PTPRD: variants seen among roughly 807,000 people sequenced by gnomAD.
The protein encoded by PTPRD is receptor-type tyrosine-protein phosphatase delta.
In PTPRD, 34 loss-of-function variants were observed where a neutral mutation model predicts 214.5. The ratio of observed to expected loss-of-function variants is 0.16; its 90% CI spans 0.12 to 0.21. The LOEUF (loss-of-function observed/expected upper bound fraction) is 0.21. Among genes scored for constraint, PTPRD ranks in the 10% least tolerant of loss-of-function variants. The pLI, the probability that PTPRD is intolerant of heterozygous loss-of-function variation, is 1.00. For synonymous variants in PTPRD, 1,128 were observed against 845.7 expected (o/e 1.33, Z -5.79); for missense variants, 2,545 against 2,398.7 (o/e 1.06, Z -1.27).
rs542173927 is a variant in PTPRD at position 8,793,980 on chromosome 9, C to A, written c.-103-60034G>T. Among the ~76,000 whole-genome samples, 8 of 152,282 alleles carry A rather than the reference C, an allele frequency of 5.3e-5. No individual in the cohort carries two copies. In the East Asian group the frequency reaches 1.5e-3, roughly 29 times the overall value. The stretch of plus-strand genomic sequence containing the variant: ...GCTGAAGAAGTTCTTCGATTCCCTG[C>A]AGCACAGCTGTGATATTGATATAGA... On this transcript the variant is annotated intron_variant, in intron 11 of 45. Coordinates refer to ENST00000381196, the MANE Select transcript of PTPRD (RefSeq NM_002839.4).
rs1820912559 is a variant in PTPRD at position 8,314,729 on chromosome 9, T to A, written c.*3145A>T. 4.3e-6 allele frequency: 1 copy of A among 231,872 alleles called. No homozygotes were observed. Among genetic ancestry groups the A allele is most frequent in the Admixed American group, 5.7e-5 (1 of 17,698 alleles). 14.4% of individuals were successfully genotyped at this position (231,872 alleles called of 1,614,324 possible). On this transcript the variant is annotated 3_prime_UTR_variant, in exon 46 of 46. Transcript: ENST00000381196. ...AAAAAATACGTGCATTACTGCAGAC[T>A]TTTTTCCCTTCCTGTTTCTATGTTG...
chr9:8,327,147 C>A (rs892008617), intron 44 of PTPRD, among the ~76,000 whole-genome samples: 6 of 150,890 alleles, frequency 4.0e-5, no homozygotes, highest in African/African-American at 7.3e-5. Flanking sequence ...ATCTTTCCTG[C>A]TTTCTCTTGT....
At chr9:8,371,207 A>G (rs2081399605) in intron 39 of PTPRD, among the ~76,000 whole-genome samples, 2 of 152,074 alleles carry the variant, frequency 1.3e-5, no homozygotes, top group Non-Finnish European at 2.9e-5. Context: ...TCTCATAAAG[A>G]AATACCCCAA....
At chr9:9,850,199 C>A (rs2060276397) in intron 5 of PTPRD, among the ~76,000 whole-genome samples, 1 of 152,104 alleles carries the variant, frequency 6.6e-6, no homozygotes, top group Non-Finnish European at 1.5e-5. Flanking sequence ...TTTAGCCTTT[C>A]TTTTTGAATA....
intron 4 of PTPRD, among the ~76,000 whole-genome samples, chr9:9,968,154 T>C (rs918920406): frequency 2.0e-5 from 3 of 152,182 alleles, no homozygotes; most frequent in African/African-American, 7.2e-5. Context: ...GAACCTATTA[T>C]TCTTCAATGA....
intron 4 of PTPRD, among the ~76,000 whole-genome samples, chr9:9,990,812 T>G (rs10816272): frequency 4.6e-5 from 7 of 152,038 alleles, no homozygotes. Flanking sequence ...TTAGAGAGGA[T>G]GTGCTCACCA....
chr9:9,941,332 G>A (rs552861750), intron 4 of PTPRD, among the ~76,000 whole-genome samples: 4 of 152,208 alleles, frequency 2.6e-5, no homozygotes, highest in South Asian at 2.1e-4. Context: ...AGAAATATGT[G>A]TATCTTATTT....
chr9:10,114,901 T>A lies in PTPRD; in HGVS notation c.-544-81111A>T, dbSNP rs966214084. On this transcript the variant is annotated intron_variant, in intron 3 of 45. Transcript: ENST00000381196. ...TAGCAATATGGAAAGATACAGGATT[T>A]TATTGTAAAATTTTCTAAGGAATTA... Among the ~76,000 whole-genome samples the A allele has an allele frequency of 2.6e-5, 4 of 151,942 alleles. No individual in the cohort carries two copies. In the East Asian group the frequency reaches 7.8e-4, roughly 30 times the overall value.
At position 8,921,974 on chromosome 9, in the gene PTPRD, A is replaced by G. The variant is rs1304956775; in HGVS notation, c.-104+96723T>C. On this transcript the variant is annotated intron_variant, in intron 11 of 45. Transcript: ENST00000381196. Reference sequence around the variant, plus strand: ...AAAAACAATAAAAGGGAAAGTTGGCAAGGAACAAAGACAGATAGAATCCCA... The same window carrying G: ...AAAAACAATAAAAGGGAAAGTTGGCGAGGAACAAAGACAGATAGAATCCCA... 2.6e-5 allele frequency among the ~76,000 whole-genome samples: 4 copies of G among 152,204 alleles called. No individual in the cohort carries two copies. The East Asian group carries it at 7.7e-4, about 29-fold the overall frequency.
chr9:10,351,392 A>G (rs190759185), intron 2 of PTPRD, among the ~76,000 whole-genome samples: 2 of 152,168 alleles, frequency 1.3e-5, no homozygotes. Flanking sequence ...GCCCAATTAC[A>G]CTTTGATAGT....
intron 7 of PTPRD, among the ~76,000 whole-genome samples, chr9:9,616,552 G>C (rs2094877282): frequency 6.6e-6 from 1 of 152,076 alleles, no homozygotes; most frequent in South Asian, 2.1e-4. Context: ...ATTCCTAGTA[G>C]ACCTAGTTTT....
chr9:8,541,236 T>C (rs2078324545), intron 14 of PTPRD, among the ~76,000 whole-genome samples: 1 of 152,048 alleles, frequency 6.6e-6, no homozygotes, highest in Non-Finnish European at 1.5e-5. Context: ...AGGTTTTTTG[T>C]TTTGCTTTTT....
At chr9:8,956,049 T>G (rs959093196) in intron 11 of PTPRD, among the ~76,000 whole-genome samples, 2 of 151,936 alleles carry the variant, frequency 1.3e-5, no homozygotes, top group Non-Finnish European at 2.9e-5. Flanking sequence ...TTGGTAAGAC[T>G]TTGCAACAAA....
At chr9:10,167,272 C>T (rs540867342) in intron 3 of PTPRD, among the ~76,000 whole-genome samples, 45 of 152,084 alleles carry the variant, frequency 3.0e-4, no homozygotes, top group African/African-American at 1.0e-3. Context: ...TTTGAGCACT[C>T]ATGGCAATAC....
intron 8 of PTPRD, among the ~76,000 whole-genome samples, chr9:9,569,795 A>C (rs1334549849): frequency 6.6e-6 from 1 of 151,530 alleles, no homozygotes; most frequent in Non-Finnish European, 1.5e-5. Context: ...TAAGTATTAA[A>C]AGTTAAGCCT....
chr9:10,479,591 G>A (rs192606506), intron 2 of PTPRD, among the ~76,000 whole-genome samples: 76 of 143,630 alleles, frequency 5.3e-4, no homozygotes, highest in African/African-American at 1.6e-3. Context: ...AGCTAGCCTG[G>A]GTAACACGGT....
chr9:8,820,147 A>G (rs182012131), intron 11 of PTPRD, among the ~76,000 whole-genome samples: 1 of 152,326 alleles, frequency 6.6e-6, no homozygotes, highest in East Asian at 1.9e-4. Context: ...ATATACATAT[A>G]TGTTTATATT....
intron 10 of PTPRD, among the ~76,000 whole-genome samples, chr9:9,049,795 G>A (rs183003460): frequency 2.6e-5 from 4 of 152,146 alleles, no homozygotes; most frequent in Admixed American, 2.0e-4. Flanking sequence ...GTCCTGCCCT[G>A]GATGAATTTA....
chr9:9,558,896 C>G (rs986843848), intron 8 of PTPRD, among the ~76,000 whole-genome samples: 1 of 152,172 alleles, frequency 6.6e-6, no homozygotes, highest in Non-Finnish European at 1.5e-5. Context: ...CCTTAGGCCC[C>G]AAGGCCTTAT....
Sources: allele counts gnomAD v4.1 joint callset (sites outside exome capture counted in the v4.1 genomes callset), GRCh38; gene constraint gnomAD v4.1.1; transcripts MANE v1.5; gene names NCBI Gene and HGNC (gene_info 2026-07-23, HGNC 2026-07-21).